KIF4A: variants seen among roughly 807,000 people sequenced by gnomAD.
The protein encoded by KIF4A is kinesin family member 4A, also known as chromosome-associated kinesin KIF4A.
In KIF4A, 7 loss-of-function variants were observed where a neutral mutation model predicts 105.9. The ratio of observed to expected loss-of-function variants is 0.07; its 90% CI spans 0.04 to 0.12. The LOEUF is 0.12. KIF4A is among the 10% of genes least tolerant of loss of function. The probability of loss-of-function intolerance (pLI) is 1.00; values close to 1 mark genes in which losing one functional copy is unlikely to be tolerated. For synonymous variants in KIF4A, 281 were observed against 331.3 expected, an observed-to-expected ratio of 0.85 and a Z score of 1.65; for missense variants, 558 against 929.2, an observed-to-expected ratio of 0.60 and a Z score of 5.19.
At chrX:70,373,552 ATATACGTATATATATACATATATACGTG>A (rs2086153750) in intron 15 of KIF4A, among the ~76,000 whole-genome samples, 2 of 43,373 alleles carry the variant, frequency 4.6e-5, no homozygotes, top group Non-Finnish European at 7.4e-5. Context: ...ATATATATAT[ATATACGTATATATATACATATATACGTG>A]TATATATATA....
intron 20 of KIF4A, 91 bp from the exon 21 acceptor site, chrX:70,395,580 G>T: frequency 9.1e-7 from 1 of 1,098,620 alleles, no homozygotes; most frequent in South Asian, 2.0e-5. Flanking sequence ...CTTGGGCTCT[G>T]GTCCAAATGA....
chrX:70,403,591 G>A (rs2086289798), intron 23 of KIF4A, among the ~76,000 whole-genome samples: 1 of 112,867 alleles, frequency 8.9e-6, no homozygotes, highest in Non-Finnish European at 1.9e-5. Flanking sequence ...TTGCCTTGAG[G>A]CAGAGCAAGA....
At chrX:70,385,586 T>C (rs1168627002) in intron 18 of KIF4A, among the ~76,000 whole-genome samples, 1 of 112,220 alleles carries the variant, frequency 8.9e-6, no homozygotes, top group African/African-American at 3.2e-5. Context: ...GCCTAGTGTT[T>C]AGTTGATGGC....
chrX:70,333,685 A>C lies in KIF4A; in HGVS notation c.1129A>C (p.Ile377Leu). 8.7e-7 allele frequency: 1 copy of C among 1,153,079 alleles called. No individual in the cohort carries two copies. Among genetic ancestry groups the C allele is most frequent in the Non-Finnish European group, 1.2e-6 (1 of 842,472 alleles). The change falls in exon 10 of 31, where the codon ATA (isoleucine) becomes CTA (leucine). Residue 377 changes from isoleucine to leucine, a missense_variant. By Grantham distance (5) the Ile-to-Leu change is conservative. Transcript: ENST00000374403. ...QAHGGTLPGS[I>L]TVEPSENLQS... is the part of the protein sequence containing the mutation. Reference sequence around the variant, plus strand: ...CCATGGAGGTACCCTGCCTGGATCTATAACGTAAGAGTCATAGATTAATTT... The same window carrying C: ...CCATGGAGGTACCCTGCCTGGATCTCTAACGTAAGAGTCATAGATTAATTT...
At position 70,322,072 on chromosome X, in the gene KIF4A, A is replaced by G. The variant is rs748882371; in HGVS notation, c.779-7333A>G. Among the ~76,000 whole-genome samples the G allele has an allele frequency of 4.6e-5, 5 of 109,371 alleles. No homozygotes were observed. In the South Asian group the frequency reaches 2.0e-3, roughly 45 times the overall value. 95.0% of individuals were successfully genotyped at this position (109,371 alleles called of 115,157 possible). A position where few individuals can be genotyped will look rare whatever the true frequency, so the allele number is the denominator to read the frequency against. ...CTTTCTCTTCCCACTGTTCATGCCC[A>G]TCACCCTGTCACCCTCCCCCCCCAA... On this transcript the variant is annotated intron_variant, in intron 7 of 30. Coordinates refer to ENST00000374403, the MANE Select transcript of KIF4A (RefSeq NM_012310.5).
intron 14 of KIF4A, 28 bp downstream of exon 14, chrX:70,352,684 C>T: frequency 9.5e-7 from 1 of 1,052,938 alleles, no homozygotes; most frequent in Non-Finnish European, 1.3e-6. Context: ...TTGTGTAGAA[C>T]CAGGAGCTCT....
intron 29 of KIF4A, among the ~76,000 whole-genome samples, chrX:70,418,850 C>A (rs890208596): frequency 9.0e-6 from 1 of 111,246 alleles, no homozygotes; most frequent in Non-Finnish European, 1.9e-5. Flanking sequence ...TTTGGGAGGC[C>A]GAGGCGGGCG....
chrX:70,362,316 G>T (rs1019866496), intron 15 of KIF4A: 2 of 330,546 alleles, frequency 6.1e-6, no homozygotes, highest in Non-Finnish European at 1.2e-5. Flanking sequence ...CTCCGTGGGG[G>T]TGCTGCGGAT....
chrX:70,379,195 A>G (rs980622327), intron 18 of KIF4A, among the ~76,000 whole-genome samples: 4 of 110,921 alleles, frequency 3.6e-5, no homozygotes, highest in Non-Finnish European at 7.6e-5. Flanking sequence ...GAAAAAAAAG[A>G]AAGAAAATTT....
In KIF4A at chrX:70,419,717, G is replaced by A; in HGVS notation, c.3429G>A (p.Glu1143=). Residue 1143 remains glutamate, a synonymous_variant, in exon 30 of 31, where the codon GAG becomes GAA. Transcript: ENST00000374403. ...ATTCCGAAGGCTCCTTCAAACTGGA[G>A]GATCCTACCGAGGTGACCCCAGGAT... ...TQDSEGSFKL[E]DPTEVTPGLS... 8.3e-7 allele frequency: 1 copy of A among 1,210,617 alleles called. No homozygotes were observed. Among genetic ancestry groups the A allele is most frequent in the African/African-American group, 1.7e-5 (1 of 57,643 alleles).
At chrX:70,309,584 C>T (rs2085840673) in intron 7 of KIF4A, among the ~76,000 whole-genome samples, 1 of 111,088 alleles carries the variant, frequency 9.0e-6, no homozygotes, top group African/African-American at 3.3e-5. Flanking sequence ...CTTTTTCAGC[C>T]TTATTGAGGT....
chrX:70,311,946 C>T (rs1173033513), intron 7 of KIF4A, among the ~76,000 whole-genome samples: 3 of 100,233 alleles, frequency 3.0e-5, no homozygotes, highest in Non-Finnish European at 4.0e-5. Context: ...AGAGTGGGAC[C>T]GTCTCTAAAA....
intron 13 of KIF4A, among the ~76,000 whole-genome samples, chrX:70,347,954 G>A (rs897347932): frequency 2.2e-4 from 7 of 32,163 alleles, no homozygotes; most frequent in East Asian, 2.3e-3. Flanking sequence ...CAGCCTGGGC[G>A]ACAGAGCGAG....
rs1388250025 is a variant in KIF4A, at chrX:70,395,980, G to T, written c.2420G>T (p.Gly807Val). The stretch of plus-strand genomic sequence containing the variant: ...ACATTCTCCCTTACTGAAGTGCGTG[G>T]TCAAGTTTCGGAGTCAGAAGATTCT... The part of the protein sequence containing the change: ...RRTFSLTEVR[G>V]QVSESEDSIT... Residue 807 changes from glycine to valine, a missense_variant, in exon 22 of 31, where the codon GGT (glycine) becomes GTT (valine). By Grantham distance (109) the Gly-to-Val change is moderately radical (BLOSUM62 -3). This residue lies in a region of KIF4A where 469 missense variants were observed against 680.4 expected (regional missense o/e 0.69). Coordinates refer to ENST00000374403, the MANE Select transcript of KIF4A (RefSeq NM_012310.5). 8.3e-7 allele frequency: 1 copy of T among 1,209,652 alleles called. No individual in the cohort carries two copies. The highest frequency in any genetic ancestry group is 1.1e-6 in the Non-Finnish European group (1 of 894,025).
intron 15 of KIF4A, among the ~76,000 whole-genome samples, chrX:70,364,147 G>A (rs1295240805): frequency 8.9e-6 from 1 of 111,842 alleles, no homozygotes; most frequent in African/African-American, 3.3e-5. Flanking sequence ...TTAGCCCTTT[G>A]TCAGATGAGT....
At chrX:70,400,293 G>A (rs919407443) in intron 22 of KIF4A, among the ~76,000 whole-genome samples, 3 of 109,342 alleles carry the variant, frequency 2.7e-5, no homozygotes, top group African/African-American at 6.7e-5. Flanking sequence ...TTGTTCTTGC[G>A]ATAGTTTACT....
At chrX:70,406,833 T>G (rs2086302045) in intron 27 of KIF4A, 60 bp from the exon 28 acceptor site, 1 of 1,086,709 alleles carries the variant, frequency 9.2e-7, no homozygotes, top group South Asian at 1.9e-5. Flanking sequence ...GAAGATATGA[T>G]GCATATATAG....
intron 23 of KIF4A, among the ~76,000 whole-genome samples, chrX:70,402,915 T>TGGCC (rs1425351745): frequency 8.9e-6 from 1 of 112,350 alleles, no homozygotes; most frequent in Non-Finnish European, 1.9e-5. Flanking sequence ...CCGTTGTGAC[T>TGGCC]GGCCTATAGC....
chrX:70,387,196 A>G lies in KIF4A; in HGVS notation c.2131A>G (p.Asn711Asp). 8.5e-7 allele frequency: 1 copy of G among 1,174,529 alleles called. No homozygotes were observed. The highest frequency in any genetic ancestry group is 1.9e-5 in the South Asian group (1 of 52,868). ...RRKTEEAAAA[N>D]KRLKDALQKQ... The stretch of plus-strand genomic sequence containing the variant: ...CAATTTTATTTAGGCAGCAGCTGCC[A>G]ACAAGCGTCTCAAGGATGCTCTCCA... Residue 711 changes from asparagine to aspartate, a missense_variant, in exon 20 of 31, where the codon AAC becomes GAC. This residue lies in a region of KIF4A where 469 missense variants were observed against 680.4 expected (regional missense o/e 0.69). Transcript: ENST00000374403.
Sources: allele counts gnomAD v4.1 joint callset (sites outside exome capture counted in the v4.1 genomes callset), GRCh38; gene constraint gnomAD v4.1.1; regional missense constraint gnomAD v4.1.1; transcripts MANE v1.5; gene names NCBI Gene and HGNC (gene_info 2026-07-23, HGNC 2026-07-21).